PPP6R2: variants seen among roughly 807,000 people sequenced by gnomAD.
The protein encoded by PPP6R2 is serine/threonine-protein phosphatase 6 regulatory subunit 2.
In PPP6R2, 62 loss-of-function variants were observed where a neutral mutation model predicts 100.2. That is an observed-to-expected ratio of 0.62 (90% CI 0.50 to 0.76). PPP6R2 has a LOEUF of 0.76. Among genes scored for constraint, PPP6R2 ranks in the 30% least tolerant of loss-of-function variants. The probability of loss-of-function intolerance (pLI) is 0.00; values close to 1 mark genes in which losing one functional copy is unlikely to be tolerated. For missense variants in PPP6R2, 1,142 were observed against 1,276.3 expected, an observed-to-expected ratio of 0.89 and a Z score of 1.60; for synonymous variants, 525 against 514.7, an observed-to-expected ratio of 1.02 and a Z score of -0.27.
chr22:50,370,964 T>G (rs2050080285), intron 1 of PPP6R2, among the ~76,000 whole-genome samples: 1 of 152,222 alleles, frequency 6.6e-6, no homozygotes, highest in Non-Finnish European at 1.5e-5. Flanking sequence ...AGAAACCCTT[T>G]GTAGAGGTCA....
intron 9 of PPP6R2, among the ~76,000 whole-genome samples, chr22:50,422,915 G>A (rs1216345639): frequency 6.6e-6 from 1 of 152,214 alleles, no homozygotes; most frequent in Admixed American, 6.5e-5. Context: ...GAGCTCTGTG[G>A]GGGCCAAGAT....
intron 5 of PPP6R2, 35 bp from the exon 6 acceptor site, chr22:50,416,057 G>A (rs377460850): frequency 1.7e-5 from 27 of 1,573,866 alleles, no homozygotes; most frequent in Non-Finnish European, 2.3e-5. Flanking sequence ...TTAGACTTGA[G>A]CAGCGACACT....
chr22:50,402,935 G>A (rs912664177), intron 3 of PPP6R2, among the ~76,000 whole-genome samples: 1 of 152,206 alleles, frequency 6.6e-6, no homozygotes, highest in Non-Finnish European at 1.5e-5. Context: ...GTTTGGAGCT[G>A]GGTGTGGTGG....
In PPP6R2 at chr22:50,403,347, G is replaced by A. The variant is rs145267192; in HGVS notation, c.228-3342G>A. Among the ~76,000 whole-genome samples, 493 of 152,188 alleles carry A rather than the reference G, an allele frequency of 3.2e-3. 3 individuals carry two copies. Among genetic ancestry groups the A allele is most frequent in the Non-Finnish European group, 4.9e-3 (332 of 67,992 alleles). On this transcript the variant is annotated intron_variant, in intron 3 of 23. Transcript: ENST00000612753. ...ACTTCCTCCCCCTGCCCAGCTCACC[G>A]GTCTTAGTGTTAGAGATCTGGTAGA...
At chr22:50,416,053 T>C (rs765455301) in intron 5 of PPP6R2, 39 bp from the exon 6 acceptor site, 24 of 1,564,524 alleles carry the variant, frequency 1.5e-5, no homozygotes, top group South Asian at 1.1e-4. Context: ...TTACTTAGAC[T>C]TGAGCAGCGA....
rs137872672 is a variant in PPP6R2, at chr22:50,430,009, C to T, written c.1126-1164C>T. ...ATCCTGGTGTGGAATATACACCTCA[C>T]CCCATTCCCCTCTCCATACAGTCCT... On this transcript the variant is annotated intron_variant, in intron 10 of 23. Coordinates refer to ENST00000612753, the MANE Select transcript of PPP6R2 (RefSeq NM_001242898.2). Among the ~76,000 whole-genome samples, 663 of 152,384 alleles carry T rather than the reference C, an allele frequency of 4.4e-3. 8 individuals carry two copies. Among genetic ancestry groups the T allele is most frequent in the African/African-American group, 0.015 (618 of 41,588 alleles).
chr22:50,398,493 T>TA (rs573757857), intron 3 of PPP6R2, among the ~76,000 whole-genome samples: 5,672 of 138,368 alleles, frequency 0.041, 159 homozygotes, highest in Middle Eastern at 0.073. Context: ...TTTCTTTATT[T>TA]AAAAAAAAAA....
chr22:50,414,541 T>C lies in PPP6R2; in HGVS notation c.415-11T>C, dbSNP rs2060254568. 6.2e-7 allele frequency: 1 copy of C among 1,613,788 alleles called. No homozygotes were observed. The highest frequency in any genetic ancestry group is 1.7e-5 in the Admixed American group (1 of 59,990). Reference sequence around the variant, plus strand: ...CGGCCCCGCCTGCCTCTCAGGTGTGTGTGATTTCAGGTGATTACGTTTTTG... The same window carrying C: ...CGGCCCCGCCTGCCTCTCAGGTGTGCGTGATTTCAGGTGATTACGTTTTTG... On this transcript the variant is annotated splice_polypyrimidine_tract_variant and intron_variant, in intron 4 of 23. Coordinates refer to ENST00000612753, the MANE Select transcript of PPP6R2 (RefSeq NM_001242898.2).
intron 23 of PPP6R2, 39 bp from the exon 24 acceptor site, chr22:50,444,160 C>T (rs151177518): frequency 8.7e-6 from 14 of 1,612,054 alleles, no homozygotes; most frequent in Middle Eastern, 1.7e-4. Context: ...GGACAGGGCC[C>T]GCAGCCCGCA....
Position 50,427,613 on chromosome 22 carries a change from C to T in PPP6R2, c.1126-3560C>T, listed in dbSNP as rs149431600. Among the ~76,000 whole-genome samples the T allele has an allele frequency of 6.6e-3, 998 of 152,292 alleles. 5 individuals are homozygous for T. Among genetic ancestry groups the T allele is most frequent in the South Asian group, 0.029 (140 of 4,824 alleles). On this transcript the variant is annotated intron_variant, in intron 10 of 23. Coordinates refer to ENST00000612753, the MANE Select transcript of PPP6R2 (RefSeq NM_001242898.2). ...TGTTGCCCAGGCTGGAGTGCAGTGG[C>T]GCAATCTCGGCTCACCGCAACCTTT...
intron 1 of PPP6R2, among the ~76,000 whole-genome samples, chr22:50,369,408 A>G (rs2049490809): frequency 6.6e-6 from 1 of 152,160 alleles, no homozygotes; most frequent in Non-Finnish European, 1.5e-5. Flanking sequence ...TCCCTGGGCT[A>G]CTGGCACCAC....
chr22:50,436,259 C>A, intron 13 of PPP6R2, 108 bp from the exon 14 acceptor site: 1 of 934,854 alleles, frequency 1.1e-6, no homozygotes, highest in Non-Finnish European at 1.7e-6. Flanking sequence ...ACCACAGTAG[C>A]AGCGCCCCAT....
In PPP6R2 at chr22:50,425,812, T is replaced by C. The variant is rs940572306; in HGVS notation, c.1125+2198T>C. On this transcript the variant is annotated intron_variant, in intron 10 of 23. Coordinates refer to ENST00000612753, the MANE Select transcript of PPP6R2 (RefSeq NM_001242898.2). ...AGCATCTTCTCGTGCTTTTTGGCCA[T>C]GTGAATAGCTTCGTTGGAGAAATGT... is the stretch of plus-strand genomic sequence containing the variant. Among the ~76,000 whole-genome samples, 267 of 152,234 alleles carry C rather than the reference T, an allele frequency of 1.8e-3. 3 individuals carry two copies. The highest frequency in any genetic ancestry group is 2.1e-3 in the East Asian group (11 of 5,192).
intron 17 of PPP6R2, 114 bp from the exon 18 acceptor site, chr22:50,438,060 T>C: frequency 6.6e-7 from 1 of 1,507,938 alleles, no homozygotes; most frequent in Non-Finnish European, 9.0e-7. Flanking sequence ...CGTCCTCCCC[T>C]CCAGCCCGGG....
At chr22:50,338,386 T>A (rs1440926331), upstream of PPP6R2, among the ~76,000 whole-genome samples, 1 of 141,834 alleles carries the variant, frequency 7.1e-6, no homozygotes, top group African/African-American at 2.8e-5. Context: ...GTATATAGTG[T>A]CTGTGGTATG....
At chr22:50,364,795 CAGGT>C (rs1276585188) in intron 1 of PPP6R2, among the ~76,000 whole-genome samples, 2 of 152,098 alleles carry the variant, frequency 1.3e-5, no homozygotes, top group African/African-American at 4.8e-5. Context: ...GTTATGGAAT[CAGGT>C]GGGGATGAGG....
rs1237212158 is a variant in PPP6R2 at position 50,444,995 on chromosome 22, G to A, written c.*748G>A. 2 of 152,580 alleles carry A rather than the reference G, an allele frequency of 1.3e-5. No individual in the cohort carries two copies. The highest frequency in any genetic ancestry group is 1.9e-4 in the East Asian group (1 of 5,194). 9.5% of individuals were successfully genotyped at this position (152,580 alleles called of 1,614,324 possible). A position where few individuals can be genotyped will look rare whatever the true frequency, so the allele number is the denominator to read the frequency against. The stretch of plus-strand genomic sequence containing the variant: ...CATGTCGTCCTAGAAGGGTCCAGAA[G>A]ATTATTTTACGTTGAGTCCATTTTT... On this transcript the variant is annotated 3_prime_UTR_variant, in exon 24 of 24. Transcript: ENST00000612753.
Position 50,438,610 on chromosome 22 carries a change from C to A in PPP6R2, c.1976C>A (p.Pro659His). ...TGAATCTCCCCCAGGTTTGGAGCCC[C>A]CCATGCTTCAGAGAGTTGCTCAAAG... ...RVMARPRFGA[P>H]HASESCSKNG... Residue 659 changes from proline to histidine, a missense_variant, in exon 19 of 24, where the codon CCC becomes CAC. Physicochemically the swap from Pro to His is moderately conservative, Grantham distance 77 (BLOSUM62 -2). Around this residue, in one of 2 missense-constraint regions of PPP6R2, gnomAD observed 550 missense variants for 517.4 expected, o/e 1.06. Transcript: ENST00000612753. 6.2e-7 allele frequency: 1 copy of A among 1,613,952 alleles called. No homozygotes were observed. The highest frequency in any genetic ancestry group is 1.1e-5 in the South Asian group (1 of 91,058).
At chr22:50,342,962 T>C (rs1476015386), upstream of PPP6R2, among the ~76,000 whole-genome samples, 2 of 152,158 alleles carry the variant, frequency 1.3e-5, no homozygotes, top group Non-Finnish European at 2.9e-5. Context: ...GAACAGGCCC[T>C]TTCCTGGGCC....
Sources: gnomAD v4.1 joint callset for allele counts (sites outside exome capture counted in the v4.1 genomes callset) on GRCh38, gnomAD v4.1.1 for gene constraint, gnomAD v4.1.1 regional missense constraint, MANE v1.5 for transcripts, NCBI Gene and HGNC (gene_info 2026-07-23, HGNC 2026-07-21) for gene names.